DCDC2: variants seen among roughly 807,000 people sequenced by gnomAD.
DCDC2 encodes doublecortin domain containing 2.
Under a neutral mutation model 50.2 loss-of-function variants are expected in DCDC2, and 40 were observed. The observed-to-expected ratio is 0.80, with a 90% CI of 0.62 to 1.04. DCDC2 has a LOEUF of 1.04. Ranked by LOEUF, DCDC2 falls within the 50% of genes least tolerant of loss-of-function variation. The pLI is 0.00. For missense variants in DCDC2, 570 were observed against 581.9 expected (o/e 0.98, Z 0.21); for synonymous variants, 234 against 210.6 (o/e 1.11, Z -0.96).
intron 7 of DCDC2, among the ~76,000 whole-genome samples, chr6:24,209,086 A>G (rs1260852968): frequency 6.6e-6 from 1 of 152,218 alleles, no homozygotes; most frequent in Non-Finnish European, 1.5e-5. Flanking sequence ...CGAATGATAT[A>G]ATAAGAATAT....
intron 2 of DCDC2, among the ~76,000 whole-genome samples, chr6:24,352,378 A>G (rs902150058): frequency 1.6e-4 from 25 of 152,086 alleles, no homozygotes; most frequent in Admixed American, 1.4e-3. Context: ...TTACTACTCT[A>G]CTTGAGACAG....
intron 7 of DCDC2, among the ~76,000 whole-genome samples, chr6:24,218,784 G>C (rs1014551622): frequency 6.6e-6 from 1 of 152,106 alleles, no homozygotes; most frequent in East Asian, 1.9e-4. Context: ...TACTGCATCC[G>C]GCCTATTTTA....
At chr6:24,220,428 A>T (rs1279812913) in intron 7 of DCDC2, among the ~76,000 whole-genome samples, 1 of 152,210 alleles carries the variant, frequency 6.6e-6, no homozygotes, top group Non-Finnish European at 1.5e-5. Flanking sequence ...AGAAGCGGAG[A>T]AGAAATGGAA....
chr6:24,287,859 T>C (rs1188060571), intron 6 of DCDC2, among the ~76,000 whole-genome samples: 3 of 152,270 alleles, frequency 2.0e-5, no homozygotes, highest in Non-Finnish European at 4.4e-5. Context: ...TTTTAAGCTA[T>C]CTTCTTTATT....
At chr6:24,321,815 T>C (rs1180163483) in intron 2 of DCDC2, among the ~76,000 whole-genome samples, 5 of 152,180 alleles carry the variant, frequency 3.3e-5, no homozygotes, top group Admixed American at 6.5e-5. Flanking sequence ...TGTTTCTCCT[T>C]TGGATAAAAA....
Position 24,278,032 on chromosome 6 carries a change from A to G in DCDC2, c.922+17T>C, listed in dbSNP as rs1352191362. 3.2e-6 allele frequency: 5 copies of G among 1,586,300 alleles called. No homozygotes were observed. In the Admixed American group the frequency reaches 5.1e-5, roughly 16 times the overall value. On this transcript the variant is annotated intron_variant, in intron 7 of 9. Transcript: ENST00000378454. Reference sequence around the variant, plus strand: ...TAAAATTGTATCACAGCCTTAAGATAATAATAACACACTTACCACTATTTG... The same window carrying G: ...TAAAATTGTATCACAGCCTTAAGATGATAATAACACACTTACCACTATTTG...
intron 2 of DCDC2, among the ~76,000 whole-genome samples, chr6:24,342,606 C>T (rs1453899508): frequency 6.6e-6 from 1 of 151,966 alleles, no homozygotes; most frequent in Non-Finnish European, 1.5e-5. Context: ...CCGAAATGTG[C>T]AAGTCAGAAG....
chr6:24,194,270 TTAAA>T (rs1252288946), intron 8 of DCDC2, among the ~76,000 whole-genome samples: 2 of 152,096 alleles, frequency 1.3e-5, no homozygotes, highest in Non-Finnish European at 2.9e-5. Flanking sequence ...AAAATAAATT[TTAAA>T]TAAATAAGAA....
At chr6:24,197,812 C>T (rs1761479986) in intron 8 of DCDC2, among the ~76,000 whole-genome samples, 1 of 152,172 alleles carries the variant, frequency 6.6e-6, no homozygotes, top group Non-Finnish European at 1.5e-5. Flanking sequence ...AGTCAGAGGA[C>T]AAGTGGTAGT....
upstream of DCDC2, among the ~76,000 whole-genome samples, chr6:24,359,975 G>C (rs1760637038): frequency 6.6e-6 from 1 of 152,194 alleles, no homozygotes; most frequent in Non-Finnish European, 1.5e-5. Context: ...ACACTCGCGT[G>C]CTGGAGAGGG....
chr6:24,310,538 C>G (rs957654368), intron 2 of DCDC2, among the ~76,000 whole-genome samples: 2 of 152,066 alleles, frequency 1.3e-5, no homozygotes, highest in East Asian at 1.9e-4. Context: ...CTCTGCCTTC[C>G]CGGCTTTTAA....
chr6:24,201,953 T>G (rs1416759569), intron 8 of DCDC2, among the ~76,000 whole-genome samples: 1 of 152,024 alleles, frequency 6.6e-6, no homozygotes, highest in Non-Finnish European at 1.5e-5. Context: ...GCCAAATCCC[T>G]GAATAGACCG....
intron 2 of DCDC2, among the ~76,000 whole-genome samples, chr6:24,346,244 A>C (rs1760252531): frequency 6.6e-6 from 1 of 152,168 alleles, no homozygotes; most frequent in African/African-American, 2.4e-5. Context: ...CTGTATTAGA[A>C]ATTAATGGAA....
At chr6:24,349,561 G>C (rs959741193) in intron 2 of DCDC2, among the ~76,000 whole-genome samples, 7 of 152,094 alleles carry the variant, frequency 4.6e-5, no homozygotes, top group African/African-American at 1.7e-4. Flanking sequence ...GCTGCTTAAG[G>C]TAAAGAGGAA....
intron 2 of DCDC2, among the ~76,000 whole-genome samples, chr6:24,305,886 G>T (rs1321802285): frequency 6.6e-6 from 1 of 151,988 alleles, no homozygotes; most frequent in Non-Finnish European, 1.5e-5. Flanking sequence ...AAAATTATCT[G>T]GGCGTGGTGG....
intron 2 of DCDC2, among the ~76,000 whole-genome samples, chr6:24,347,379 C>T (rs527467308): frequency 3.9e-5 from 6 of 152,248 alleles, no homozygotes; most frequent in South Asian, 2.1e-4. Flanking sequence ...TAGCACATAA[C>T]AGGCACACAA....
intron 2 of DCDC2, among the ~76,000 whole-genome samples, chr6:24,352,401 G>A (rs1251345790): frequency 2.0e-5 from 3 of 151,932 alleles, no homozygotes; most frequent in African/African-American, 7.3e-5. Context: ...ATCAACTGGT[G>A]GTCATTCTTT....
intron 7 of DCDC2, among the ~76,000 whole-genome samples, chr6:24,238,634 G>T (rs1053584219): frequency 3.3e-5 from 5 of 152,106 alleles, no homozygotes; most frequent in African/African-American, 1.2e-4. Flanking sequence ...GCTATAACCA[G>T]AAGTCAGGGA....
intron 4 of DCDC2, among the ~76,000 whole-genome samples, chr6:24,298,975 A>T (rs1275956527): frequency 6.6e-6 from 1 of 152,220 alleles, no homozygotes; most frequent in African/African-American, 2.4e-5. Flanking sequence ...ATTAGAAATG[A>T]CCTAAATATC....
Sources: allele counts gnomAD v4.1 joint callset (sites outside exome capture counted in the v4.1 genomes callset), GRCh38; gene constraint gnomAD v4.1.1; transcripts MANE v1.5; gene names NCBI Gene and HGNC (gene_info 2026-07-23, HGNC 2026-07-21).